The following SHROOM3 variants were observed in gnomAD, a reference collection of about 807,000 sequenced individuals.
SHROOM3 encodes shroom family member 3, also known as protein Shroom3.
SHROOM3 carries 47 observed loss-of-function variants against 138.6 expected under a neutral mutation model. The ratio of observed to expected loss-of-function variants is 0.34; its 90% CI spans 0.27 to 0.43. The LOEUF is 0.43. Among genes scored for constraint, SHROOM3 ranks in the 20% least tolerant of loss-of-function variants. The pLI, the probability that SHROOM3 is intolerant of heterozygous loss-of-function variation, is 1.00. For synonymous variants in SHROOM3, 1,062 were observed against 1,063.3 expected, an observed-to-expected ratio of 1.00 and a Z score of 0.02; for missense variants, 2,491 against 2,596.5, an observed-to-expected ratio of 0.96 and a Z score of 0.88.
At chr4:76,698,130 C>T (rs1719799123) in intron 2 of SHROOM3, among the ~76,000 whole-genome samples, 2 of 152,120 alleles carry the variant, frequency 1.3e-5, no homozygotes, top group African/African-American at 2.4e-5. Context: ...AAGCTGAGTC[C>T]CCCTTTGGGT....
At chr4:76,494,838 G>A (rs557867211) in intron 1 of SHROOM3, among the ~76,000 whole-genome samples, 2 of 152,286 alleles carry the variant, frequency 1.3e-5, no homozygotes, top group South Asian at 2.1e-4. Context: ...AATAGAGGTC[G>A]TTTGTCAAGG....
chr4:76,746,781 CATTATT>C (rs199823641), intron 5 of SHROOM3, among the ~76,000 whole-genome samples: 19,363 of 140,392 alleles, frequency 0.14, 1,589 homozygotes, highest in East Asian at 0.24. Context: ...TTTAGATTTA[CATTATT>C]ATTATTATTA....
intron 1 of SHROOM3, among the ~76,000 whole-genome samples, chr4:76,481,138 A>T (rs1428742766): frequency 6.6e-6 from 1 of 152,220 alleles, no homozygotes; most frequent in Non-Finnish European, 1.5e-5. Flanking sequence ...AGATCATAGC[A>T]GAACTGAAGG....
rs17002147 is a variant in SHROOM3, at chr4:76,658,829, G to A, written c.324-51327G>A. Among the ~76,000 whole-genome samples the A allele has an allele frequency of 9.9e-3, 1,501 of 152,128 alleles. 17 individuals carry two copies. Among genetic ancestry groups the A allele is most frequent in the African/African-American group, 0.034 (1,419 of 41,498 alleles). ...AAACATTTTTCAATATCAAAACCAA[G>A]CAGATTGCAAAACTGACACATCAGA... is the stretch of plus-strand genomic sequence containing the variant. On this transcript the variant is annotated intron_variant, in intron 2 of 10. Transcript: ENST00000296043.
At position 76,755,094 on chromosome 4, in the gene SHROOM3, A is replaced by ATGTTTGTAAGCCCCTCATTTTGTCGTG; in HGVS notation, c.4611_4612insTGTTTGTAAGCCCCTCATTTTGTCGTG (p.Glu1537_Thr1538insCysLeuTer). 6.3e-7 allele frequency: 1 copy of ATGTTTGTAAGCCCCTCATTTTGTCGTG among 1,598,454 alleles called. No individual in the cohort carries two copies. The highest frequency in any genetic ancestry group is 8.5e-7 in the Non-Finnish European group (1 of 1,169,986). On this transcript the variant is annotated stop_gained and inframe_insertion, in exon 7 of 11. Coordinates refer to ENST00000296043, the MANE Select transcript of SHROOM3 (RefSeq NM_020859.4). LOFTEE classifies it high-confidence loss of function. ...CCCCACCTCCTCCACCGAGTCAGGA[A>ATGTTTGTAAGCCCCTCATTTTGTCGTG]ACCCCGGTGTATAGCATGGATGACT...
intron 2 of SHROOM3, chr4:76,709,762 G>A: frequency 3.5e-6 from 1 of 281,704 alleles, no homozygotes; most frequent in East Asian, 1.0e-4. Context: ...CAGAGGCTTG[G>A]TTTCAAACCA....
intron 3 of SHROOM3, among the ~76,000 whole-genome samples, chr4:76,720,722 C>T (rs1720520245): frequency 6.6e-6 from 1 of 151,414 alleles, no homozygotes; most frequent in African/African-American, 2.4e-5. Flanking sequence ...AGCGATTCTC[C>T]TGCCTCAGCC....
At chr4:76,758,812 G>T (rs190909189) in intron 8 of SHROOM3, among the ~76,000 whole-genome samples, 256 of 152,172 alleles carry the variant, frequency 1.7e-3, no homozygotes, top group African/African-American at 5.9e-3. Context: ...CAAGAGAATC[G>T]TACTTCCATA....
At chr4:76,738,644 AC>A in intron 4 of SHROOM3, 116 bp from the exon 5 acceptor site, 1 of 1,258,078 alleles carries the variant, frequency 7.9e-7, no homozygotes, top group African/African-American at 1.5e-5. Flanking sequence ...CTTTTTACCC[AC>A]CCTTCCAAAC....
intron 1 of SHROOM3, among the ~76,000 whole-genome samples, chr4:76,503,784 A>G (rs139804767): frequency 2.6e-5 from 4 of 152,334 alleles, no homozygotes; most frequent in African/African-American, 9.6e-5. Flanking sequence ...AAACTCAGCA[A>G]AGTATATCTG....
At chr4:76,689,191 C>A (rs993471314) in intron 2 of SHROOM3, among the ~76,000 whole-genome samples, 4 of 152,044 alleles carry the variant, frequency 2.6e-5, no homozygotes, top group Admixed American at 6.6e-5. Flanking sequence ...CCCCTTAATA[C>A]CGTAAGGACC....
chr4:76,462,716 CTCCCTCTCCCTT>C (rs1200278866), intron 1 of SHROOM3, among the ~76,000 whole-genome samples: 99 of 149,076 alleles, frequency 6.6e-4, no homozygotes, highest in African/African-American at 2.4e-3. Flanking sequence ...CCCTCTCCCT[CTCCCTCTCCCTT>C]TCCCTCTCCA....
At chr4:76,451,054 A>G (rs905983889) in intron 1 of SHROOM3, among the ~76,000 whole-genome samples, 3 of 151,940 alleles carry the variant, frequency 2.0e-5, no homozygotes, top group Non-Finnish European at 4.4e-5. Context: ...GGTTCACGCC[A>G]TTCTCCTGCC....
chr4:76,630,142 C>T (rs1171732320), intron 2 of SHROOM3, among the ~76,000 whole-genome samples: 2 of 152,148 alleles, frequency 1.3e-5, no homozygotes, highest in African/African-American at 2.4e-5. Flanking sequence ...ACTGGTTCAC[C>T]ATATTTTCAT....
At chr4:76,520,457 T>G (rs1199650193) in intron 1 of SHROOM3, among the ~76,000 whole-genome samples, 1 of 152,102 alleles carries the variant, frequency 6.6e-6, no homozygotes, top group Non-Finnish European at 1.5e-5. Flanking sequence ...CTCATAAAAA[T>G]CCTAGAAGGT....
intron 2 of SHROOM3, among the ~76,000 whole-genome samples, chr4:76,630,128 AT>A (rs1326997402): frequency 6.6e-6 from 1 of 152,130 alleles, no homozygotes; most frequent in African/African-American, 2.4e-5. Flanking sequence ...ATTGTTTTGT[AT>A]TTACTGGTTC....
chr4:76,771,014 C>A, intron 10 of SHROOM3, 116 bp downstream of exon 10: 3 of 1,348,718 alleles, frequency 2.2e-6, no homozygotes, highest in Non-Finnish European at 3.2e-6. Flanking sequence ...CTCTTTGGGG[C>A]AGGGAGAGAA....
intron 2 of SHROOM3, chr4:76,639,469 C>T (rs1735598913): frequency 2.5e-6 from 1 of 397,488 alleles, no homozygotes; most frequent in Non-Finnish European, 4.4e-6. Flanking sequence ...TAACCAGTGC[C>T]AGCTCTGAGT....
chr4:76,484,548 G>C (rs1367078953), intron 1 of SHROOM3, among the ~76,000 whole-genome samples: 2 of 151,674 alleles, frequency 1.3e-5, no homozygotes, highest in Non-Finnish European at 2.9e-5. Context: ...TCTAGCCTGG[G>C]CTACAGCCTG....
Sources: gnomAD v4.1 joint callset for allele counts (sites outside exome capture counted in the v4.1 genomes callset) on GRCh38, gnomAD v4.1.1 for gene constraint, MANE v1.5 for transcripts, NCBI Gene and HGNC (gene_info 2026-07-23, HGNC 2026-07-21) for gene names.